LIN52: variants seen among roughly 807,000 people sequenced by gnomAD.
The protein encoded by LIN52 is protein lin-52 homolog.
Under a neutral mutation model 18.5 loss-of-function variants are expected in LIN52, and 4 were observed. The ratio of observed to expected loss-of-function variants is 0.22; its 90% CI spans 0.11 to 0.49. The LOEUF is 0.49. LIN52 is among the 20% of genes least tolerant of loss of function. The pLI, the probability that LIN52 is intolerant of heterozygous loss-of-function variation, is 0.97. For synonymous variants in LIN52, 34 were observed against 45.5 expected, an observed-to-expected ratio of 0.75 and a Z score of 1.02; for missense variants, 102 against 139.5, an observed-to-expected ratio of 0.73 and a Z score of 1.35.
chr14:74,182,527 C>CAAGTAATGTA (rs1203423641), intron 5 of LIN52, among the ~76,000 whole-genome samples: 2 of 151,802 alleles, frequency 1.3e-5, no homozygotes. Flanking sequence ...CTGATTTGGA[C>CAAGTAATGTA]AAATCAGCAT....
chr14:74,196,530 A>G (rs142705768), intron 5 of LIN52, among the ~76,000 whole-genome samples: 1 of 152,272 alleles, frequency 6.6e-6, no homozygotes, highest in Non-Finnish European at 1.5e-5. Flanking sequence ...TTGCAGGATC[A>G]TTAGTTACAT....
intron 5 of LIN52, among the ~76,000 whole-genome samples, chr14:74,139,106 GT>G (rs2061114808): frequency 6.6e-6 from 1 of 152,108 alleles, no homozygotes; most frequent in South Asian, 2.1e-4. Flanking sequence ...AGAAGGTGGG[GT>G]AGGAATTTAA....
chr14:74,148,350 G>A (rs1466259637), intron 5 of LIN52, among the ~76,000 whole-genome samples: 1 of 152,084 alleles, frequency 6.6e-6, no homozygotes, highest in Non-Finnish European at 1.5e-5. Context: ...GTAAACCAAT[G>A]TGCTAGACCC....
intron 5 of LIN52, among the ~76,000 whole-genome samples, chr14:74,112,266 A>G (rs116714221): frequency 0.013 from 1,890 of 149,850 alleles, 38 homozygotes; most frequent in African/African-American, 0.043. Flanking sequence ...TTTCTTTTTT[A>G]TCTCTTCATC....
intron 5 of LIN52, among the ~76,000 whole-genome samples, chr14:74,111,131 C>T (rs146721401): frequency 0.013 from 2,036 of 152,280 alleles, 45 homozygotes; most frequent in African/African-American, 0.045. Flanking sequence ...CAGCACTAGC[C>T]TGTGGTACTA....
At chr14:74,086,548 G>C (rs183082936) in intron 1 of LIN52, among the ~76,000 whole-genome samples, 58 of 152,160 alleles carry the variant, frequency 3.8e-4, no homozygotes, top group Non-Finnish European at 4.0e-4. Context: ...CAGCTACTTG[G>C]GGGGGCTGAG....
chr14:74,195,482 C>T (rs2078906323), intron 5 of LIN52, among the ~76,000 whole-genome samples: 1 of 152,004 alleles, frequency 6.6e-6, no homozygotes, highest in Non-Finnish European at 1.5e-5. Context: ...CTGATGGGAG[C>T]TTAAAAAGCT....
At chr14:74,133,363 A>C (rs1340388546) in intron 5 of LIN52, among the ~76,000 whole-genome samples, 1 of 152,240 alleles carries the variant, frequency 6.6e-6, no homozygotes, top group Non-Finnish European at 1.5e-5. Context: ...GGTACCAAAA[A>C]TTAACTCACT....
chr14:74,199,913 A>G lies in LIN52; in HGVS notation c.*936A>G, dbSNP rs1486529638. ...AGCACATATGAAATAGTTCATCTATATAATAGAAACGCACACACACGAAAA... is the reference window on the plus strand; with the variant it reads ...AGCACATATGAAATAGTTCATCTATGTAATAGAAACGCACACACACGAAAA... On this transcript the variant is annotated 3_prime_UTR_variant, in exon 6 of 6. Transcript: ENST00000555028. 5 of 152,350 alleles carry G rather than the reference A, an allele frequency of 3.3e-5. No homozygotes were observed. The East Asian group carries it at 5.8e-4, about 18-fold the overall frequency. 9.4% of individuals were successfully genotyped at this position (152,350 alleles called of 1,614,324 possible). A position where few individuals can be genotyped will look rare whatever the true frequency, so the allele number is the denominator to read the frequency against.
chr14:74,149,884 A>T (rs959989716), intron 5 of LIN52, among the ~76,000 whole-genome samples: 1 of 152,184 alleles, frequency 6.6e-6, no homozygotes, highest in Admixed American at 6.5e-5. Flanking sequence ...TCCAGGTCAT[A>T]GTCCTCAAGG....
chr14:74,094,470 A>G (rs1049467832), intron 2 of LIN52, among the ~76,000 whole-genome samples: 1 of 151,944 alleles, frequency 6.6e-6, no homozygotes, highest in Non-Finnish European at 1.5e-5. Context: ...TGTTGCCCAG[A>G]CTGGTCTCAG....
chr14:74,128,971 A>G (rs978276556), intron 5 of LIN52, among the ~76,000 whole-genome samples: 1 of 152,060 alleles, frequency 6.6e-6, no homozygotes, highest in African/African-American at 2.4e-5. Flanking sequence ...AACAAAAACA[A>G]CAACCCTGGA....
At chr14:74,096,097 T>A in intron 3 of LIN52, 112 bp downstream of exon 3, 4 of 704,296 alleles carry the variant, frequency 5.7e-6, no homozygotes, top group Non-Finnish European at 9.0e-6. Flanking sequence ...AGTCTCACTC[T>A]TCGCCCAGGC....
intron 5 of LIN52, among the ~76,000 whole-genome samples, chr14:74,133,160 G>A (rs2061078148): frequency 6.6e-6 from 1 of 152,214 alleles, no homozygotes; most frequent in African/African-American, 2.4e-5. Context: ...ATTTGGTCCA[G>A]TTATGTAGAA....
intron 5 of LIN52, among the ~76,000 whole-genome samples, chr14:74,159,128 A>T (rs2139563268): frequency 6.6e-6 from 1 of 151,046 alleles, no homozygotes; most frequent in Middle Eastern, 3.4e-3. Context: ...CTAATTTAAC[A>T]TTAGCAGATT....
intron 5 of LIN52, among the ~76,000 whole-genome samples, chr14:74,173,162 A>C (rs1375123127): frequency 1.3e-5 from 2 of 152,092 alleles, no homozygotes; most frequent in African/African-American, 4.8e-5. Flanking sequence ...TACATGTACT[A>C]AGGATTACTT....
chr14:74,156,628 T>A (rs140961083), intron 5 of LIN52, among the ~76,000 whole-genome samples: 3 of 152,232 alleles, frequency 2.0e-5, no homozygotes, highest in Admixed American at 6.5e-5. Flanking sequence ...CTCAAACATT[T>A]ATCATTTCTT....
intron 5 of LIN52, among the ~76,000 whole-genome samples, chr14:74,151,263 T>C (rs2061175729): frequency 6.6e-6 from 1 of 152,224 alleles, no homozygotes; most frequent in Non-Finnish European, 1.5e-5. Context: ...TTTTTTTCCA[T>C]ATGTGGTATT....
intron 5 of LIN52, among the ~76,000 whole-genome samples, chr14:74,148,607 G>T (rs2061163396): frequency 6.6e-6 from 1 of 152,112 alleles, no homozygotes; most frequent in Non-Finnish European, 1.5e-5. Flanking sequence ...TGGCAAGTTG[G>T]TTTCCTTCTT....
Sources: gnomAD v4.1 joint callset for allele counts (sites outside exome capture counted in the v4.1 genomes callset) on GRCh38, gnomAD v4.1.1 for gene constraint, MANE v1.5 for transcripts, NCBI Gene and HGNC (gene_info 2026-07-23, HGNC 2026-07-21) for gene names.